The following TTC29 variants were observed in gnomAD, a reference collection of about 807,000 sequenced individuals.
TTC29 encodes tetratricopeptide repeat domain 29.
TTC29 carries 49 observed loss-of-function variants against 58.1 expected under a neutral mutation model. That is an observed-to-expected ratio of 0.84 (90% confidence interval 0.67 to 1.07). The LOEUF (loss-of-function observed/expected upper bound fraction) is 1.07, where lower values mean the gene tolerates loss of function less well. TTC29 is among the 50% of genes least tolerant of loss of function. The pLI, the probability that TTC29 is intolerant of heterozygous loss-of-function variation, is 0.00. For missense variants in TTC29, 582 were observed against 555.6 expected (o/e 1.05, Z -0.48); for synonymous variants, 209 against 196.8 (o/e 1.06, Z -0.52).
intron 4 of TTC29, among the ~76,000 whole-genome samples, chr4:146,914,608 G>A (rs966460309): frequency 1.3e-5 from 2 of 152,100 alleles, no homozygotes; most frequent in African/African-American, 2.4e-5. Context: ...TGTCACATTC[G>A]TGGACATGCT....
At chr4:146,756,209 C>T (rs1406032738) in intron 11 of TTC29, among the ~76,000 whole-genome samples, 1 of 149,028 alleles carries the variant, frequency 6.7e-6, no homozygotes, top group Non-Finnish European at 1.5e-5. Context: ...GGAGGCAGAG[C>T]TTGCAGTGAG....
rs188866791 is a variant in TTC29 at position 146,727,747 on chromosome 4, C to T, written c.1331-20196G>A. On this transcript the variant is annotated intron_variant, in intron 11 of 12. Coordinates refer to ENST00000325106, the MANE Select transcript of TTC29 (RefSeq NM_031956.4). ...TGTTTATTAAAATAAATTCAGCTAC[C>T]GAAGAACATTTGGTTGCTTCCAAGT... 1.2e-3 allele frequency among the ~76,000 whole-genome samples: 187 copies of T among 152,098 alleles called. 1 individual carries two copies. The highest frequency in any genetic ancestry group is 0.01 in the Middle Eastern group (3 of 294).
Position 146,945,106 on chromosome 4 carries a change from C to G in TTC29, c.-53-29G>C, listed in dbSNP as rs958345197. 1.1e-4 allele frequency: 16 copies of G among 152,074 alleles called. 1 individual carries two copies. Among genetic ancestry groups the G allele is most frequent in the Non-Finnish European group, 2.1e-4 (14 of 68,002 alleles). 9.4% of individuals were successfully genotyped at this position (152,074 alleles called of 1,614,324 possible). Reference sequence around the variant, plus strand: ...AAAATCAGGAAGCAAAGAATAATAGCAAAGAAGAAAAATTTAAAATCATTC... The same window carrying G: ...AAAATCAGGAAGCAAAGAATAATAGGAAAGAAGAAAAATTTAAAATCATTC... On this transcript the variant is annotated intron_variant, in intron 1 of 12. Coordinates refer to ENST00000325106, the MANE Select transcript of TTC29 (RefSeq NM_031956.4).
intron 11 of TTC29, among the ~76,000 whole-genome samples, chr4:146,757,666 C>T (rs891912513): frequency 2.6e-5 from 4 of 152,228 alleles, no homozygotes; most frequent in African/African-American, 9.6e-5. Context: ...CTATCTTCAG[C>T]CTCCTTAAAC....
At chr4:146,827,948 G>A (rs1016351023) in intron 9 of TTC29, among the ~76,000 whole-genome samples, 11 of 151,932 alleles carry the variant, frequency 7.2e-5, no homozygotes, top group Non-Finnish European at 1.6e-4. Flanking sequence ...ATTTTCTAAG[G>A]GGCAAAATCA....
intron 11 of TTC29, among the ~76,000 whole-genome samples, chr4:146,765,405 C>T (rs986922334): frequency 1.3e-5 from 2 of 152,108 alleles, no homozygotes; most frequent in African/African-American, 4.8e-5. Context: ...TTTGACTAAC[C>T]GGGTTTTAAT....
At chr4:146,740,080 T>A (rs966057303) in intron 11 of TTC29, among the ~76,000 whole-genome samples, 1 of 152,238 alleles carries the variant, frequency 6.6e-6, no homozygotes, top group South Asian at 2.1e-4. Flanking sequence ...GGTCTCTGAA[T>A]GATTATGAGA....
chr4:146,845,895 T>A (rs1729137617), intron 8 of TTC29, among the ~76,000 whole-genome samples: 1 of 150,862 alleles, frequency 6.6e-6, no homozygotes, highest in Admixed American at 6.7e-5. Flanking sequence ...TATCTACTTA[T>A]TATTTTCTCC....
Position 146,889,162 on chromosome 4 carries a change from A to G in TTC29, c.587-14234T>C, listed in dbSNP as rs114143015. On this transcript the variant is annotated intron_variant, in intron 6 of 12. Transcript: ENST00000325106. ...GTGTCCTTTATTTTTAATATCCCTTACTGCCTAAAGACCATTCAATCCATG... is the reference window on the plus strand; with the variant it reads ...GTGTCCTTTATTTTTAATATCCCTTGCTGCCTAAAGACCATTCAATCCATG... Among the ~76,000 whole-genome samples, 619 of 152,194 alleles carry G rather than the reference A, an allele frequency of 4.1e-3. 9 individuals are homozygous for G. Among genetic ancestry groups the G allele is most frequent in the African/African-American group, 0.014 (585 of 41,536 alleles).
At chr4:146,772,874 A>G (rs1486773604) in intron 11 of TTC29, among the ~76,000 whole-genome samples, 4 of 151,846 alleles carry the variant, frequency 2.6e-5, no homozygotes, top group African/African-American at 9.7e-5. Flanking sequence ...ATATCTTTTC[A>G]TTTGTGTTAT....
intron 11 of TTC29, among the ~76,000 whole-genome samples, chr4:146,734,653 G>T (rs185452593): frequency 6.6e-6 from 1 of 152,046 alleles, no homozygotes; most frequent in Admixed American, 6.6e-5. Flanking sequence ...GGGACATCCA[G>T]CTGGTGTCTG....
At chr4:146,728,860 C>CACATATATATGTATATATATATACGT (rs1561066862) in intron 11 of TTC29, among the ~76,000 whole-genome samples, 2 of 62,026 alleles carry the variant, frequency 3.2e-5, no homozygotes, top group South Asian at 1.4e-3. Flanking sequence ...TATATATACA[C>CACATATATATGTATATATATATACGT]ATATATATGT....
chr4:146,851,716 A>G (rs2150184261), intron 8 of TTC29, among the ~76,000 whole-genome samples: 1 of 152,302 alleles, frequency 6.6e-6, no homozygotes, highest in South Asian at 2.1e-4. Context: ...AGAGCTGGAC[A>G]TATTTCACTG....
intron 4 of TTC29, among the ~76,000 whole-genome samples, chr4:146,927,996 T>C (rs965456621): frequency 2.0e-5 from 3 of 152,152 alleles, no homozygotes; most frequent in Non-Finnish European, 4.4e-5. Context: ...TTATACTGTA[T>C]TGCAATGGCA....
intron 11 of TTC29, among the ~76,000 whole-genome samples, chr4:146,752,492 A>T (rs1486455110): frequency 2.6e-5 from 4 of 151,826 alleles, no homozygotes; most frequent in Non-Finnish European, 5.9e-5. Flanking sequence ...TAATTTATAG[A>T]TTCAGTGCCA....
chr4:146,841,415 T>C (rs1010259254), intron 8 of TTC29, among the ~76,000 whole-genome samples: 2 of 152,102 alleles, frequency 1.3e-5, no homozygotes, highest in Non-Finnish European at 2.9e-5. Flanking sequence ...CTCTGCTCTC[T>C]GGCTGGTGAC....
intron 4 of TTC29, among the ~76,000 whole-genome samples, chr4:146,921,884 C>G (rs1734603258): frequency 6.7e-6 from 1 of 150,158 alleles, no homozygotes; most frequent in African/African-American, 2.4e-5. Flanking sequence ...ATTTATAAAA[C>G]CTGACCATGT....
chr4:146,741,700 T>C (rs149893863), intron 11 of TTC29, among the ~76,000 whole-genome samples: 14 of 152,272 alleles, frequency 9.2e-5, no homozygotes, highest in Non-Finnish European at 1.8e-4. Flanking sequence ...CCTAACATGT[T>C]CTAGCTGCCT....
At chr4:146,734,122 T>C (rs1275175597) in intron 11 of TTC29, among the ~76,000 whole-genome samples, 1 of 152,156 alleles carries the variant, frequency 6.6e-6, no homozygotes, top group East Asian at 1.9e-4. Context: ...TTTCAAAACA[T>C]TTTCTATTAT....
Sources: allele counts gnomAD v4.1 joint callset (sites outside exome capture counted in the v4.1 genomes callset), GRCh38; gene constraint gnomAD v4.1.1; transcripts MANE v1.5; gene names NCBI Gene and HGNC (gene_info 2026-07-23, HGNC 2026-07-21).